The following LACTB variants were observed in gnomAD, a reference collection of about 807,000 sequenced individuals.
LACTB encodes the protein serine beta-lactamase-like protein LACTB, mitochondrial.
Under a neutral mutation model 50.2 loss-of-function variants are expected in LACTB, and 35 were observed. The ratio of observed to expected loss-of-function variants is 0.70; its 90% CI spans 0.53 to 0.92. The LOEUF (loss-of-function observed/expected upper bound fraction) is 0.92. LACTB is among the 40% of genes least tolerant of loss of function. LACTB has a pLI of 0.00. For missense variants in LACTB, 664 were observed against 691.8 expected, an observed-to-expected ratio of 0.96 and a Z score of 0.45; for synonymous variants, 252 against 268.2, an observed-to-expected ratio of 0.94 and a Z score of 0.59.
intron 5 of LACTB, among the ~76,000 whole-genome samples, chr15:63,132,046 A>G (rs1436043638): frequency 1.3e-5 from 2 of 151,926 alleles, no homozygotes; most frequent in African/African-American, 4.8e-5. Flanking sequence ...TAATCCCCTA[A>G]TTTCTTTTTG....
chr15:63,141,528 A>G lies in LACTB; in HGVS notation c.1367A>G (p.Lys456Arg). 1 of 1,614,258 alleles carries G rather than the reference A, an allele frequency of 6.2e-7. No individual in the cohort carries two copies. The highest frequency in any genetic ancestry group is 1.1e-5 in the South Asian group (1 of 91,084). Residue 456 changes from lysine (K) to arginine (R), a missense_variant, in exon 6 of 6, where the codon AAA becomes AGA. Lys to Arg is a conservative substitution (Grantham distance 26, BLOSUM62 2). Coordinates refer to ENST00000261893, the MANE Select transcript of LACTB (RefSeq NM_032857.5). ...CCTAACACAGAGATGTCTTGGGATA[A>G]AGAGGGTAAATATGCAATGGCGTGG... is the stretch of plus-strand genomic sequence containing the variant. The part of the protein sequence containing the change: ...PVPNTEMSWD[K>R]EGKYAMAWGV...
Position 63,122,062 on chromosome 15 carries a change from C to G in LACTB, c.191C>G (p.Ala64Gly), listed in dbSNP as rs769320798. 3,517 of 1,434,652 alleles carry G rather than the reference C, an allele frequency of 2.5e-3. 6 individuals are homozygous for G. Among genetic ancestry groups the G allele is most frequent in the Admixed American group, 3.5e-3 (123 of 35,590 alleles). 88.9% of individuals were successfully genotyped at this position (1,434,652 alleles called of 1,614,324 possible). The change falls in exon 1 of 6, where the codon GCC becomes GGC. Residue 64 changes from alanine (A) to glycine (G), a missense_variant. Coordinates refer to ENST00000261893, the MANE Select transcript of LACTB (RefSeq NM_032857.5). The stretch of plus-strand genomic sequence containing the variant: ...CTGGCAGGTGGGCTGAGGGGCGCGG[C>G]CCCGGCGCAGTCCCCCGCGGCCCCC... ...VKLAGGLRGAAPAQSPAAPDP... is the reference protein window; with the variant it reads ...VKLAGGLRGAGPAQSPAAPDP...
In LACTB at chr15:63,124,846, C is replaced by T. The variant is rs141847823; in HGVS notation, c.425-2013C>T. Among the ~76,000 whole-genome samples, 347 of 152,028 alleles carry T rather than the reference C, an allele frequency of 2.3e-3. 1 individual carries two copies. Among genetic ancestry groups the T allele is most frequent in the African/African-American group, 8.1e-3 (336 of 41,474 alleles). ...GTGCGTGCCTGTAATCTCAGCTACT[C>T]GGGAGGCCAGGATACGAGAATCGCT... On this transcript the variant is annotated intron_variant, in intron 2 of 5. Transcript: ENST00000261893.
At position 63,122,091 on chromosome 15, in the gene LACTB, C is replaced by A. The variant is rs1257289041; in HGVS notation, c.220C>A (p.Pro74Thr). 1 of 1,470,414 alleles carries A rather than the reference C, an allele frequency of 6.8e-7. No individual in the cohort carries two copies. Among genetic ancestry groups the A allele is most frequent in the Non-Finnish European group, 8.9e-7 (1 of 1,119,216 alleles). The allele number at this position is 1,470,414 out of a possible 1,614,324, so 91.1% of individuals were successfully genotyped here. A position where few individuals can be genotyped will look rare whatever the true frequency, so the allele number is the denominator to read the frequency against. Residue 74 changes from proline to threonine, a missense_variant, in exon 1 of 6, where the codon CCT becomes ACT. Physicochemically the swap from Pro to Thr is conservative, Grantham distance 38. Transcript: ENST00000261893. ...GGCGCAGTCCCCCGCGGCCCCCGAC[C>A]CTGAGGCGTCGCCTCTGGCCGAGCC... ...APAQSPAAPD[P>T]EASPLAEPPQ...
chr15:63,136,989 T>G (rs2037184026), intron 5 of LACTB, among the ~76,000 whole-genome samples: 1 of 152,218 alleles, frequency 6.6e-6, no homozygotes. Flanking sequence ...TGTCACCTGT[T>G]TAAAAGTATC....
chr15:63,141,159 T>A, intron 5 of LACTB, 121 bp from the exon 6 acceptor site: 2 of 1,441,866 alleles, frequency 1.4e-6, no homozygotes, highest in Non-Finnish European at 1.8e-6. Flanking sequence ...AGTTTATAGT[T>A]TCTGAGAATG....
chr15:63,135,169 CT>C (rs1181538260), intron 5 of LACTB, among the ~76,000 whole-genome samples: 7 of 151,942 alleles, frequency 4.6e-5, no homozygotes, highest in Admixed American at 2.6e-4. Context: ...GAAATGGTGG[CT>C]TTTTTTGGAA....
chr15:63,140,972 G>A, intron 5 of LACTB: 1 of 978,206 alleles, frequency 1.0e-6, no homozygotes, highest in Non-Finnish European at 1.2e-6. Context: ...AATATGTCAT[G>A]TGTAATATTA....
intron 5 of LACTB, chr15:63,140,908 C>A: frequency 1.6e-6 from 1 of 630,972 alleles, no homozygotes; most frequent in Non-Finnish European, 2.0e-6. Context: ...CAACATTAAC[C>A]CCAAGGACAA....
rs765780502 is a variant in LACTB at position 63,122,635 on chromosome 15, G to A, written c.358-1G>A. 1 of 1,612,566 alleles carries A rather than the reference G, an allele frequency of 6.2e-7. No individual in the cohort carries two copies. On this transcript the variant is annotated splice_acceptor_variant, in intron 1 of 5. Coordinates refer to ENST00000261893, the MANE Select transcript of LACTB (RefSeq NM_032857.5). LOFTEE classifies it high-confidence loss of function. ...GTCGGTTCTTTCCCCTTCGGTCTTA[G>A]GATGAGGTGGGCGCACCGGGCATAG...
intron 5 of LACTB, among the ~76,000 whole-genome samples, chr15:63,135,461 A>G (rs1360926218): frequency 6.6e-6 from 1 of 152,206 alleles, no homozygotes; most frequent in Admixed American, 6.5e-5. Flanking sequence ...AAAGCACAAG[A>G]AAAATGATAA....
intron 5 of LACTB, among the ~76,000 whole-genome samples, chr15:63,132,044 T>A (rs2037137878): frequency 6.6e-6 from 1 of 152,224 alleles, no homozygotes; most frequent in Non-Finnish European, 1.5e-5. Context: ...GGTAATCCCC[T>A]AATTTCTTTT....
At chr15:63,138,045 G>T (rs999317713) in intron 5 of LACTB, among the ~76,000 whole-genome samples, 3 of 152,138 alleles carry the variant, frequency 2.0e-5, no homozygotes, top group African/African-American at 7.2e-5. Flanking sequence ...TAAAAATAAG[G>T]CTGGGCGCAG....
Position 63,141,158 on chromosome 15 carries a change from T to G in LACTB, c.1119-122T>G, listed in dbSNP as rs2037224603. Reference sequence around the variant, plus strand: ...CTGAAAATTAGTGGTTAGTTTATAGTTTCTGAGAATGTATGATCATTACAT... The same window carrying G: ...CTGAAAATTAGTGGTTAGTTTATAGGTTCTGAGAATGTATGATCATTACAT... On this transcript the variant is annotated intron_variant, in intron 5 of 5. Transcript: ENST00000261893. 9.7e-6 allele frequency: 14 copies of G among 1,441,096 alleles called. No homozygotes were observed. In the South Asian group the frequency reaches 2.2e-4, roughly 23 times the overall value. 89.3% of individuals were successfully genotyped at this position (1,441,096 alleles called of 1,614,324 possible). A position where few individuals can be genotyped will look rare whatever the true frequency, so the allele number is the denominator to read the frequency against.
At chr15:63,126,705 C>T (rs1180884120) in intron 2 of LACTB, among the ~76,000 whole-genome samples, 154 bp from the exon 3 acceptor site, 1 of 152,178 alleles carries the variant, frequency 6.6e-6, no homozygotes, top group African/African-American at 2.4e-5. Flanking sequence ...GATTTTAATC[C>T]TTTACATGTC....
Position 63,121,976 on chromosome 15 carries a change from T to C in LACTB, c.105T>C (p.Pro35=). ...RGVHQRAGLP[P]LGHGWVGGLG... ...TCCATCAGCGCGCCGGGCTGCCGCC[T>C]CTCGGCCACGGCTGGGTCGGGGGCC... is the stretch of plus-strand genomic sequence containing the variant. Residue 35 remains proline (P), a synonymous_variant, in exon 1 of 6, where the codon CCT becomes CCC. Transcript: ENST00000261893. The C allele has an allele frequency of 7.3e-7, 1 of 1,370,574 alleles. No homozygotes were observed. Among genetic ancestry groups the C allele is most frequent in the Non-Finnish European group, 9.3e-7 (1 of 1,070,078 alleles). The allele number at this position is 1,370,574 out of a possible 1,614,324, so 84.9% of individuals were successfully genotyped here.
chr15:63,127,327 T>C (rs1276568693), intron 3 of LACTB, 26 bp from the exon 4 acceptor site: 1 of 1,476,628 alleles, frequency 6.8e-7, no homozygotes, highest in African/African-American at 1.4e-5. Flanking sequence ...AATATTGTAA[T>C]TGAATTTTCA....
chr15:63,132,041 C>T (rs1325534974), intron 5 of LACTB, among the ~76,000 whole-genome samples: 2 of 151,820 alleles, frequency 1.3e-5, no homozygotes. Flanking sequence ...CATGGTAATC[C>T]CCTAATTTCT....
chr15:63,125,011 A>T (rs1418112481), intron 2 of LACTB, among the ~76,000 whole-genome samples: 1 of 151,950 alleles, frequency 6.6e-6, no homozygotes, highest in Non-Finnish European at 1.5e-5. Context: ...TGATGGGCGC[A>T]GTAGGGGTTT....
Sources: allele counts gnomAD v4.1 joint callset (sites outside exome capture counted in the v4.1 genomes callset), GRCh38; gene constraint gnomAD v4.1.1; transcripts MANE v1.5; gene names NCBI Gene and HGNC (gene_info 2026-07-23, HGNC 2026-07-21).